The following PKHD1 variants were observed in gnomAD, a reference collection of about 807,000 sequenced individuals.
PKHD1 encodes the protein PKHD1 ciliary IPT domain containing fibrocystin/polyductin, also known as fibrocystin.
Under a neutral mutation model 412.0 loss-of-function variants are expected in PKHD1, and 291 were observed. The ratio of observed to expected loss-of-function variants is 0.71; its 90% CI spans 0.64 to 0.78. The LOEUF is 0.78. Ranked by LOEUF, PKHD1 falls within the 30% of genes least tolerant of loss-of-function variation. PKHD1 has a pLI of 0.00. For synonymous variants in PKHD1, 1,777 were observed against 1,821.5 expected, an observed-to-expected ratio of 0.98 and a Z score of 0.62; for missense variants, 4,825 against 4,950.7, an observed-to-expected ratio of 0.97 and a Z score of 0.76.
intron 13 of PKHD1, among the ~76,000 whole-genome samples, chr6:52,063,500 T>C (rs1300763698): frequency 6.6e-6 from 1 of 152,252 alleles, no homozygotes; most frequent in African/African-American, 2.4e-5. Flanking sequence ...AAACTAATAC[T>C]GTTGTTCCTC....
At chr6:51,960,316 G>A (rs1453105184) in intron 35 of PKHD1, among the ~76,000 whole-genome samples, 1 of 152,060 alleles carries the variant, frequency 6.6e-6, no homozygotes, top group African/African-American at 2.4e-5. Context: ...CCAGCCCCTG[G>A]AATTCTCCAA....
intron 50 of PKHD1, among the ~76,000 whole-genome samples, chr6:51,842,265 G>T (rs1172021712): frequency 1.3e-5 from 2 of 152,306 alleles, no homozygotes; most frequent in Admixed American, 6.5e-5. Context: ...ATGAGTGGGG[G>T]CTGTGTGAAC....
At chr6:51,872,456 T>C (rs1043775591) in intron 46 of PKHD1, among the ~76,000 whole-genome samples, 3 of 152,088 alleles carry the variant, frequency 2.0e-5, no homozygotes, top group Non-Finnish European at 4.4e-5. Context: ...TTGCACAGTC[T>C]GCAGTGCAGT....
At chr6:51,881,437 G>A (rs1243511503) in intron 46 of PKHD1, among the ~76,000 whole-genome samples, 2 of 152,048 alleles carry the variant, frequency 1.3e-5, no homozygotes, top group Non-Finnish European at 2.9e-5. Context: ...TACATCTCTG[G>A]ATTTGTTGGA....
intron 49 of PKHD1, among the ~76,000 whole-genome samples, chr6:51,849,005 T>C (rs544949097): frequency 8.9e-4 from 134 of 150,144 alleles, no homozygotes; most frequent in African/African-American, 3.2e-3. Flanking sequence ...ACGTGTGCCA[T>C]GGTGGTTTGC....
chr6:51,971,134 C>T lies in PKHD1; in HGVS notation c.5752-11108G>A, dbSNP rs182539577. ...TTTCCTTGCAGAGATCTTTCACCTCCTTGGTTAAATATATTCGTAAGTATT... is the reference window on the plus strand; with the variant it reads ...TTTCCTTGCAGAGATCTTTCACCTCTTTGGTTAAATATATTCGTAAGTATT... On this transcript the variant is annotated intron_variant, in intron 35 of 66. Transcript: ENST00000371117. Among the ~76,000 whole-genome samples the T allele has an allele frequency of 1.7e-3, 266 of 152,264 alleles. 2 individuals carry two copies. The highest frequency in any genetic ancestry group is 6.2e-3 in the African/African-American group (259 of 41,542).
intron 60 of PKHD1, among the ~76,000 whole-genome samples, chr6:51,739,073 AT>A (rs568528621): frequency 3.7e-4 from 55 of 147,298 alleles, no homozygotes; most frequent in Admixed American, 1.1e-3. Context: ...TATTTTATAT[AT>A]TTTTTATATA....
intron 37 of PKHD1, among the ~76,000 whole-genome samples, chr6:51,917,992 A>T (rs1205156358): frequency 1.3e-5 from 2 of 152,128 alleles, no homozygotes; most frequent in Non-Finnish European, 2.9e-5. Context: ...TGTTGGGGAA[A>T]ATGAGTCAAA....
In PKHD1 at chr6:52,016,196, T is replaced by C. The variant is rs553502823; in HGVS notation, c.5600+1214A>G. Among the ~76,000 whole-genome samples, 7 of 152,342 alleles carry C rather than the reference T, an allele frequency of 4.6e-5. No homozygotes were observed. The South Asian group carries it at 1.5e-3, about 32-fold the overall frequency. The stretch of plus-strand genomic sequence containing the variant: ...GAAAGCAACCAGCCAAGGAGGTTCC[T>C]CTTTTCCTCCAGCTAAACCTAAACC... On this transcript the variant is annotated intron_variant, in intron 34 of 66. Transcript: ENST00000371117.
Position 51,791,372 on chromosome 6 carries a change from G to T in PKHD1, c.8304C>A (p.Asn2768Lys), listed in dbSNP as rs1472651582. The change falls in exon 53 of 67, where the codon AAC (asparagine) becomes AAA (lysine). Residue 2768 changes from asparagine to lysine, a missense_variant and splice_region_variant. Physicochemically the swap from Asn to Lys is moderately conservative, Grantham distance 94. Coordinates refer to ENST00000371117, the MANE Select transcript of PKHD1 (RefSeq NM_138694.4). The stretch of plus-strand genomic sequence containing the variant: ...GATCTGTATCCACAAGGACAGTTCT[G>T]TCTGTGGAAGAAAAAGAAATTGCTC... ...GPGDDVLILP[N>K]RTVLVDTDLP... is the part of the protein sequence containing the mutation. 1.2e-6 allele frequency: 2 copies of T among 1,613,340 alleles called. No homozygotes were observed. The highest frequency in any genetic ancestry group is 1.7e-6 in the Non-Finnish European group (2 of 1,179,408).
intron 60 of PKHD1, among the ~76,000 whole-genome samples, chr6:51,683,784 T>G (rs556735774): frequency 1.3e-4 from 20 of 152,228 alleles, no homozygotes; most frequent in African/African-American, 4.8e-4. Flanking sequence ...TTTATACTAT[T>G]TATTGACCAT....
At chr6:51,788,849 TC>T (rs1357445813) in intron 53 of PKHD1, among the ~76,000 whole-genome samples, 1 of 152,186 alleles carries the variant, frequency 6.6e-6, no homozygotes, top group East Asian at 1.9e-4. Flanking sequence ...ACCAAGCACT[TC>T]CTATGAGTTA....
chr6:51,859,525 CAA>C (rs10638642), intron 48 of PKHD1, among the ~76,000 whole-genome samples: 7 of 114,670 alleles, frequency 6.1e-5, no homozygotes, highest in East Asian at 3.1e-4. Flanking sequence ...GATTCCGTCC[CAA>C]AAAAAAAAAA....
At chr6:52,084,248 T>C (rs772489378) in intron 2 of PKHD1, among the ~76,000 whole-genome samples, 2 of 152,252 alleles carry the variant, frequency 1.3e-5, no homozygotes, top group African/African-American at 2.4e-5. Flanking sequence ...GTTATTCTCA[T>C]GATGCACTTC....
intron 35 of PKHD1, among the ~76,000 whole-genome samples, chr6:51,988,604 C>T (rs967527607): frequency 1.3e-5 from 2 of 152,192 alleles, no homozygotes; most frequent in Admixed American, 1.3e-4. Flanking sequence ...CCAACTACCA[C>T]CACCATATGC....
At chr6:51,751,286 C>G (rs955897470) in intron 57 of PKHD1, among the ~76,000 whole-genome samples, 5 of 152,058 alleles carry the variant, frequency 3.3e-5, no homozygotes, top group African/African-American at 1.2e-4. Flanking sequence ...TCTGCCATCC[C>G]TGACCTACAC....
At chr6:52,032,660 G>A (rs1055754829) in intron 29 of PKHD1, among the ~76,000 whole-genome samples, 3 of 152,128 alleles carry the variant, frequency 2.0e-5, no homozygotes, top group Non-Finnish European at 4.4e-5. Context: ...TTAATTTCCT[G>A]ATCTGTAAAT....
chr6:51,746,002 T>C (rs987476574), intron 59 of PKHD1, among the ~76,000 whole-genome samples: 15 of 103,746 alleles, frequency 1.4e-4, no homozygotes, highest in African/African-American at 6.4e-4. Context: ...TTTTGCTTTG[T>C]TTTTTTTTCT....
intron 60 of PKHD1, among the ~76,000 whole-genome samples, chr6:51,670,605 T>G (rs1308555387): frequency 1.4e-4 from 22 of 151,966 alleles, no homozygotes; most frequent in Non-Finnish European, 2.2e-4. Flanking sequence ...GTTAGCTGGT[T>G]ATTTTGCTCG....
Sources: allele counts gnomAD v4.1 joint callset (sites outside exome capture counted in the v4.1 genomes callset), GRCh38; gene constraint gnomAD v4.1.1; transcripts MANE v1.5; gene names NCBI Gene and HGNC (gene_info 2026-07-23, HGNC 2026-07-21).